The following PTPN3 variants were observed in gnomAD, a reference collection of about 807,000 sequenced individuals.
PTPN3 encodes the protein tyrosine-protein phosphatase non-receptor type 3.
Under a neutral mutation model 132.7 loss-of-function variants are expected in PTPN3, and 96 were observed. That is an observed-to-expected ratio of 0.72 (90% confidence interval 0.61 to 0.86). The LOEUF (loss-of-function observed/expected upper bound fraction) is 0.86, where lower values mean the gene tolerates loss of function less well. PTPN3 is among the 40% of genes least tolerant of loss of function. The probability of loss-of-function intolerance (pLI) is 0.00; values close to 1 mark genes in which losing one functional copy is unlikely to be tolerated. For synonymous variants in PTPN3, 398 were observed against 429.0 expected, an observed-to-expected ratio of 0.93 and a Z score of 0.89; for missense variants, 1,125 against 1,159.6, an observed-to-expected ratio of 0.97 and a Z score of 0.43.
chr9:109,391,627 C>CTT, intron 19 of PTPN3, 66 bp from the exon 20 acceptor site: 1 of 1,329,726 alleles, frequency 7.5e-7, no homozygotes. Flanking sequence ...TGAAAACATA[C>CTT]TTTATCATTC....
intron 1 of PTPN3, among the ~76,000 whole-genome samples, chr9:109,491,461 A>G (rs1316736255): frequency 4.6e-5 from 7 of 152,140 alleles, no homozygotes. Context: ...GACTTCTTTG[A>G]TTTATTCTTA....
chr9:109,489,785 A>G (rs993250098), intron 1 of PTPN3, among the ~76,000 whole-genome samples: 2 of 151,918 alleles, frequency 1.3e-5, no homozygotes, highest in Non-Finnish European at 2.9e-5. Flanking sequence ...ATCTGCAAGG[A>G]CAGCAGGCTC....
intron 16 of PTPN3, 88 bp downstream of exon 16, chr9:109,409,911 G>C: frequency 6.5e-7 from 1 of 1,530,198 alleles, no homozygotes; most frequent in Non-Finnish European, 8.8e-7. Context: ...ATGTAGCTCA[G>C]GAATGCAGCA....
chr9:109,444,273 A>G (rs979537292), intron 7 of PTPN3, among the ~76,000 whole-genome samples: 4 of 152,182 alleles, frequency 2.6e-5, no homozygotes, highest in Non-Finnish European at 5.9e-5. Context: ...TAGCTACTAT[A>G]AAGTGACATT....
intron 1 of PTPN3, among the ~76,000 whole-genome samples, chr9:109,480,161 A>T (rs1321357315): frequency 6.6e-6 from 1 of 151,922 alleles, no homozygotes; most frequent in Non-Finnish European, 1.5e-5. Flanking sequence ...CCCATTTTTA[A>T]AATTTGTTTT....
At chr9:109,520,072 A>G in the PTPN3 span, among the ~76,000 whole-genome samples, 7 of 151,646 alleles carry the variant, frequency 4.6e-5, no homozygotes, top group South Asian at 2.1e-4. Context: ...GGCAGGAGAA[A>G]GGCATGAACC....
At chr9:109,408,799 ATATAT>A (rs1564404243) in intron 16 of PTPN3, among the ~76,000 whole-genome samples, 672 of 57,518 alleles carry the variant, frequency 0.012, 10 homozygotes, top group African/African-American at 0.024. Context: ...AAAAAAAAAT[ATATAT>A]ATATATATAT....
intron 23 of PTPN3, 24 bp downstream of exon 23, chr9:109,383,399 C>T (rs556195949): frequency 3.1e-5 from 50 of 1,614,062 alleles, no homozygotes; most frequent in East Asian, 8.9e-5. Context: ...GCCCCTCCAC[C>T]GTGCCCCTCA....
intron 16 of PTPN3, among the ~76,000 whole-genome samples, chr9:109,408,847 T>G (rs1841827846): frequency 8.1e-6 from 1 of 124,100 alleles, no homozygotes; most frequent in Admixed American, 9.3e-5. Context: ...TGGGCTTTAA[T>G]ATATATATAT....
upstream of PTPN3, among the ~76,000 whole-genome samples, chr9:109,499,089 G>A (rs150498138): frequency 7.4e-3 from 887 of 119,276 alleles, 14 homozygotes; most frequent in African/African-American, 0.026. Context: ...TTTCTCGCGT[G>A]GGGAACAAAT....
intron 19 of PTPN3, 111 bp downstream of exon 19, chr9:109,404,337 C>T (rs1016466943): frequency 1.3e-5 from 11 of 831,614 alleles, no homozygotes; most frequent in African/African-American, 1.7e-5. Context: ...ACAATCATCT[C>T]GACCAAGGAA....
At chr9:109,494,403 A>C (rs1232541812) in intron 1 of PTPN3, among the ~76,000 whole-genome samples, 3 of 152,166 alleles carry the variant, frequency 2.0e-5, no homozygotes, top group Non-Finnish European at 4.4e-5. Flanking sequence ...GGGCCACTGC[A>C]CTCCAGCCTG....
At chr9:109,412,771 C>T (rs1416485454) in intron 14 of PTPN3, among the ~76,000 whole-genome samples, 3 of 151,244 alleles carry the variant, frequency 2.0e-5, no homozygotes, top group African/African-American at 4.9e-5. Flanking sequence ...CCTCCCTAAG[C>T]GCTGGGATTA....
the PTPN3 span, chr9:109,533,474 G>A: frequency 1.9e-6 from 3 of 1,578,268 alleles, no homozygotes; most frequent in East Asian, 4.5e-5. Flanking sequence ...TGTCTGCGTC[G>A]GTAAGTTGCG....
At chr9:109,471,943 G>C (rs779741228) in intron 1 of PTPN3, among the ~76,000 whole-genome samples, 2 of 152,184 alleles carry the variant, frequency 1.3e-5, no homozygotes, top group Non-Finnish European at 2.9e-5. Flanking sequence ...CTTACAGCCA[G>C]GGTCTTTGTT....
intron 6 of PTPN3, among the ~76,000 whole-genome samples, chr9:109,445,613 TA>T (rs1396812522): frequency 1.3e-5 from 2 of 151,940 alleles, no homozygotes; most frequent in Admixed American, 6.6e-5. Flanking sequence ...GAAAAAAAAG[TA>T]AAAAAATTGT....
intron 2 of PTPN3, among the ~76,000 whole-genome samples, chr9:109,462,400 A>T (rs1480891100): frequency 2.6e-5 from 4 of 152,214 alleles, no homozygotes; most frequent in Non-Finnish European, 1.5e-5. Context: ...CCCAGGGATC[A>T]GTTTTTGTCA....
chr9:109,396,815 T>C (rs745785184), intron 19 of PTPN3, among the ~76,000 whole-genome samples: 10 of 152,206 alleles, frequency 6.6e-5, no homozygotes, highest in Non-Finnish European at 1.3e-4. Context: ...TTGGCTTAAA[T>C]ATTTCTTCTT....
chr9:109,398,973 A>G (rs1455952081), intron 19 of PTPN3, among the ~76,000 whole-genome samples: 1 of 152,130 alleles, frequency 6.6e-6, no homozygotes, highest in Non-Finnish European at 1.5e-5. Flanking sequence ...CATAAGAGAA[A>G]GAGGAACACC....
Sources: allele counts gnomAD v4.1 joint callset (sites outside exome capture counted in the v4.1 genomes callset), GRCh38; gene constraint gnomAD v4.1.1; transcripts MANE v1.5; gene names NCBI Gene and HGNC (gene_info 2026-07-23, HGNC 2026-07-21).